The following MYBPC2 variants were observed in gnomAD, a reference collection of about 807,000 sequenced individuals.
MYBPC2 encodes the protein myosin binding protein C2, also known as myosin-binding protein C, fast-type.
Under a neutral mutation model 137.0 loss-of-function variants are expected in MYBPC2, and 122 were observed. That is an observed-to-expected ratio of 0.89 (90% confidence interval 0.77 to 1.03). The LOEUF is 1.03. Ranked by LOEUF, MYBPC2 falls within the 50% of genes least tolerant of loss-of-function variation. The probability of loss-of-function intolerance (pLI) is 0.00; values close to 1 mark genes in which losing one functional copy is unlikely to be tolerated. For missense variants in MYBPC2, 1,500 were observed against 1,534.4 expected (o/e 0.98, Z 0.37); for synonymous variants, 626 against 612.3 (o/e 1.02, Z -0.33).
At position 50,432,927 on chromosome 19, in the gene MYBPC2, C is replaced by G. The variant is rs778477446; in HGVS notation, c.-27C>G. ...GGGCCTAGCGGGACGCGGCTGCGGTCAGAGGAGCAGGAGGAGGTCCCCCGA... is the reference window on the plus strand; with the variant it reads ...GGGCCTAGCGGGACGCGGCTGCGGTGAGAGGAGCAGGAGGAGGTCCCCCGA... On this transcript the variant is annotated 5_prime_UTR_variant, in exon 1 of 28. Coordinates refer to ENST00000357701, the MANE Select transcript of MYBPC2 (RefSeq NM_004533.4). This position sits in a 1 kb window ranked among gnomAD's most constrained non-coding sequence, Gnocchi z 5.5. The G allele has an allele frequency of 6.9e-6, 11 of 1,604,784 alleles. No individual in the cohort carries two copies. Among genetic ancestry groups the G allele is most frequent in the Middle Eastern group, 4.2e-4 (2 of 4,746 alleles).
At position 50,435,152 on chromosome 19, in the gene MYBPC2, A is replaced by G. The variant is rs1324559090; in HGVS notation, c.20-9A>G. On this transcript the variant is annotated splice_polypyrimidine_tract_variant and intron_variant, in intron 1 of 27. Coordinates refer to ENST00000357701, the MANE Select transcript of MYBPC2 (RefSeq NM_004533.4). The surrounding 1 kb of genome is among the most constrained non-coding windows in gnomAD (Gnocchi z 4.8). Reference sequence around the variant, plus strand: ...GCATGCTCAACTATGACTGTCCCCTACCTTACAGCGGCCAAAAAGGCCCCC... The same window carrying G: ...GCATGCTCAACTATGACTGTCCCCTGCCTTACAGCGGCCAAAAAGGCCCCC... The G allele has an allele frequency of 7.8e-7, 1 of 1,280,946 alleles. No homozygotes were observed. The highest frequency in any genetic ancestry group is 1.2e-5 in the South Asian group (1 of 81,646). 79.3% of individuals were successfully genotyped at this position (1,280,946 alleles called of 1,614,324 possible).
chr19:50,461,005 AT>A (rs112521100), intron 24 of MYBPC2, among the ~76,000 whole-genome samples: 2,805 of 127,856 alleles, frequency 0.022, 63 homozygotes, highest in East Asian at 0.12. Flanking sequence ...TTTCTTTTAA[AT>A]TTTTTTTTTT....
intron 9 of MYBPC2, 119 bp from the exon 10 acceptor site, chr19:50,443,375 C>A: frequency 7.9e-7 from 1 of 1,258,224 alleles, no homozygotes. Flanking sequence ...AATCCCTTTC[C>A]ACACAATTTG....
chr19:50,452,504 G>C (rs62116071), intron 16 of MYBPC2, among the ~76,000 whole-genome samples: 50,446 of 101,298 alleles, frequency 0.5, 8,768 homozygotes, highest in South Asian at 0.55. Context: ...ATGTATGTAT[G>C]TATGTATCTA....
Position 50,435,342 on chromosome 19 carries a change from C to G in MYBPC2, c.109+92C>G. 1 of 694,640 alleles carries G rather than the reference C, an allele frequency of 1.4e-6. No individual in the cohort carries two copies. The highest frequency in any genetic ancestry group is 2.6e-6 in the Non-Finnish European group (1 of 379,630). 43.0% of individuals were successfully genotyped at this position (694,640 alleles called of 1,614,324 possible). A position where few individuals can be genotyped will look rare whatever the true frequency, so the allele number is the denominator to read the frequency against. ...TCCAGGCCTTTCCCCAGCCTCTATC[C>G]TTGAATCTGTCCCCGCACAGCCCCA... On this transcript the variant is annotated intron_variant, in intron 2 of 27. Coordinates refer to ENST00000357701, the MANE Select transcript of MYBPC2 (RefSeq NM_004533.4). The surrounding 1 kb of genome is among the most constrained non-coding windows in gnomAD (Gnocchi z 4.8).
chr19:50,441,184 T>C, intron 8 of MYBPC2, 108 bp downstream of exon 8: 2 of 1,244,892 alleles, frequency 1.6e-6, no homozygotes, highest in Non-Finnish European at 2.2e-6. Flanking sequence ...CCCAATGAGG[T>C]AGGAGGCAAG....
At chr19:50,437,636 A>G in intron 6 of MYBPC2, 23 bp from the exon 7 acceptor site, 1 of 1,599,638 alleles carries the variant, frequency 6.3e-7, no homozygotes, top group Non-Finnish European at 8.5e-7. Context: ...GTCAAGACTC[A>G]CATGCCCTCT....
At chr19:50,434,414 G>A (rs1473032546) in intron 1 of MYBPC2, among the ~76,000 whole-genome samples, 1 of 152,170 alleles carries the variant, frequency 6.6e-6, no homozygotes, top group East Asian at 1.9e-4. Flanking sequence ...TGTAGGATAT[G>A]GGGTGATTGT....
chr19:50,460,627 T>C (rs1368966329), intron 24 of MYBPC2, among the ~76,000 whole-genome samples: 1 of 152,216 alleles, frequency 6.6e-6, no homozygotes, highest in East Asian at 1.9e-4. Context: ...CTGACTTTGT[T>C]AGCTCAGCAC....
At chr19:50,463,986 G>T (rs1178503284) in intron 26 of MYBPC2, among the ~76,000 whole-genome samples, 1 of 151,704 alleles carries the variant, frequency 6.6e-6, no homozygotes, top group Admixed American at 6.6e-5. Flanking sequence ...GGAACAGCCA[G>T]TGCCAGCGTC....
chr19:50,453,543 TTC>T (rs1352788183), intron 16 of MYBPC2, among the ~76,000 whole-genome samples: 1 of 152,068 alleles, frequency 6.6e-6, no homozygotes, highest in Non-Finnish European at 1.5e-5. Flanking sequence ...GTTTCTTTTT[TTC>T]TCTTTTTTTT....
rs553635696 is a variant in MYBPC2, at chr19:50,455,143, C to A, written c.2050C>A (p.Arg684Ser). ...LVERKKKGSQ[R>S]WMKLNFEVFT... ...AGAGCGGAAGAAGAAGGGCTCTCAG[C>A]GCTGGATGAAGCTGAACTTTGAGGT... is the stretch of plus-strand genomic sequence containing the variant. The change falls in exon 19 of 28, where the codon CGC (arginine) becomes AGC (serine). Residue 684 changes from arginine to serine, a missense_variant. Coordinates refer to ENST00000357701, the MANE Select transcript of MYBPC2 (RefSeq NM_004533.4). 1 of 1,613,606 alleles carries A rather than the reference C, an allele frequency of 6.2e-7. No homozygotes were observed. Among genetic ancestry groups the A allele is most frequent in the South Asian group, 1.1e-5 (1 of 91,054 alleles).
intron 7 of MYBPC2, among the ~76,000 whole-genome samples, chr19:50,438,059 C>CCCATCCAT (rs1395982893): frequency 6.6e-6 from 1 of 152,080 alleles, no homozygotes; most frequent in Non-Finnish European, 1.5e-5. Context: ...TACTCACCCT[C>CCCATCCAT]CCATCCATCC....
chr19:50,440,860 T>C lies in MYBPC2; in HGVS notation c.573-20T>C, dbSNP rs777715372. On this transcript the variant is annotated intron_variant, in intron 7 of 27. Transcript: ENST00000357701. ...CTTCCTCACTCCCTGATGGCCCCTG[T>C]CCGTTCCCCCACCCGCCAGGGAGGT... 2 of 1,604,528 alleles carry C rather than the reference T, an allele frequency of 1.2e-6. No homozygotes were observed. Among genetic ancestry groups the C allele is most frequent in the South Asian group, 1.1e-5 (1 of 89,820 alleles).
At chr19:50,436,229 G>T in intron 4 of MYBPC2, 69 bp downstream of exon 4, 1 of 1,513,390 alleles carries the variant, frequency 6.6e-7, no homozygotes, top group Middle Eastern at 2.0e-4. Flanking sequence ...CTCCTCAGAA[G>T]CCCTGTTGCC....
chr19:50,460,201 T>G, intron 24 of MYBPC2, 22 bp downstream of exon 24: 2 of 1,584,330 alleles, frequency 1.3e-6, no homozygotes, highest in Non-Finnish European at 8.6e-7. Flanking sequence ...GAGGGGGAGA[T>G]GGGGAAGAGC....
Position 50,437,736 on chromosome 19 carries a change from C to T in MYBPC2, c.572+18C>T. On this transcript the variant is annotated intron_variant, in intron 7 of 27. Coordinates refer to ENST00000357701, the MANE Select transcript of MYBPC2 (RefSeq NM_004533.4). Reference sequence around the variant, plus strand: ...AAGAAGAGGTGAGCCCCGGACTTGGCACAGAGAGGGGAGATGGGACTCAAG... The same window carrying T: ...AAGAAGAGGTGAGCCCCGGACTTGGTACAGAGAGGGGAGATGGGACTCAAG... 1 of 1,595,884 alleles carries T rather than the reference C, an allele frequency of 6.3e-7. No individual in the cohort carries two copies.
chr19:50,436,970 C>A (rs988071724), intron 5 of MYBPC2, among the ~76,000 whole-genome samples: 1 of 152,006 alleles, frequency 6.6e-6, no homozygotes, highest in Admixed American at 6.6e-5. Context: ...CATGCAAAGG[C>A]TTAGGAGGTG....
intron 20 of MYBPC2, 24 bp downstream of exon 20, chr19:50,455,668 T>C (rs1601294085): frequency 1.2e-6 from 2 of 1,611,258 alleles, no homozygotes; most frequent in Admixed American, 3.3e-5. Flanking sequence ...GCAGGGCTGG[T>C]GGGGGTGGTG....
Sources: gnomAD v4.1 joint callset for allele counts (sites outside exome capture counted in the v4.1 genomes callset) on GRCh38, gnomAD v4.1.1 for gene constraint, Gnocchi (gnomAD v3.1) non-coding constraint, MANE v1.5 for transcripts, NCBI Gene and HGNC (gene_info 2026-07-23, HGNC 2026-07-21) for gene names.